KLHL30: variants seen among roughly 807,000 people sequenced by gnomAD.
KLHL30 encodes the protein kelch like family member 30, also known as kelch-like protein 30.
A neutral mutation model predicts 55.0 loss-of-function variants in KLHL30; 55 were observed. That is an observed-to-expected ratio of 1.00 (90% CI 0.80 to 1.25). The LOEUF (loss-of-function observed/expected upper bound fraction) is 1.25. Among genes scored for constraint, KLHL30 ranks in the 50% most tolerant of loss-of-function variants. KLHL30 has a pLI of 0.00. For missense variants in KLHL30, 786 were observed against 811.6 expected (o/e 0.97, Z 0.38); for synonymous variants, 356 against 372.6 (o/e 0.96, Z 0.51).
chr2:238,145,055 CCG>C, intron 4 of KLHL30, 67 bp downstream of exon 4: 2 of 1,287,956 alleles, frequency 1.6e-6, no homozygotes, highest in Non-Finnish European at 2.2e-6. Context: ...GTGCAACTCC[CCG>C]CACTCCGTGG....
Position 238,141,389 on chromosome 2 carries a change from C to T in KLHL30, c.635C>T (p.Ala212Val), listed in dbSNP as rs747030365. ...RWVRHDPQAR[A>V]AHLPELLSLV... is the part of the protein sequence containing the mutation. ...GTGCGCCATGACCCGCAGGCCCGGG[C>T]CGCCCACCTGCCCGAGCTGCTCAGC... is the stretch of plus-strand genomic sequence containing the variant. The change falls in exon 2 of 8, where the codon GCC (alanine) becomes GTC (valine). Residue 212 changes from alanine to valine, a missense_variant. Coordinates refer to ENST00000409223, the MANE Select transcript of KLHL30 (RefSeq NM_198582.4). The T allele has an allele frequency of 1.2e-5, 19 of 1,591,738 alleles. 1 individual carries two copies. In the South Asian group the frequency reaches 2.0e-4, roughly 17 times the overall value.
At chr2:238,144,799 T>G in intron 3 of KLHL30, 103 bp from the exon 4 acceptor site, 1 of 871,932 alleles carries the variant, frequency 1.1e-6, no homozygotes, top group East Asian at 2.6e-5. Context: ...GAGGGGGGCA[T>G]TTCTGCACCC....
In KLHL30 at chr2:238,152,792, GCT is replaced by G. The variant is rs1559279081; in HGVS notation, c.*1730_*1731del. On this transcript the variant is annotated 3_prime_UTR_variant, in exon 8 of 8. Transcript: ENST00000409223. ...AGGGTGAGGGTTTCTGGGGCCCTGG[GCT>G]CTGTTTCCATGTGGAAATCTGAAAT... The G allele has an allele frequency of 6.6e-6, 1 of 152,214 alleles. No homozygotes were observed. Among genetic ancestry groups the G allele is most frequent in the East Asian group, 1.9e-4 (1 of 5,194 alleles). 9.4% of individuals were successfully genotyped at this position (152,214 alleles called of 1,614,324 possible). A position where few individuals can be genotyped will look rare whatever the true frequency, so the allele number is the denominator to read the frequency against.
Position 238,141,189 on chromosome 2 carries a change from AG to A in KLHL30, c.438del (p.Leu147CysfsTer54), listed in dbSNP as rs763906968. 1 of 1,611,758 alleles carries A rather than the reference AG, an allele frequency of 6.2e-7. No individual in the cohort carries two copies. The highest frequency in any genetic ancestry group is 8.5e-7 in the Non-Finnish European group (1 of 1,179,656). ...LGICEFGEQQ[G>X]LLGVAAKAWA... Reference sequence around the variant, plus strand: ...GCATCTGTGAGTTCGGGGAGCAGCAAGGGCTGCTGGGCGTGGCTGCCAAGGC... The same window carrying A: ...GCATCTGTGAGTTCGGGGAGCAGCAAGGCTGCTGGGCGTGGCTGCCAAGGC... On this transcript the variant is annotated frameshift_variant, in exon 2 of 8. Transcript: ENST00000409223. LOFTEE classifies it high-confidence loss of function.
At chr2:238,150,043 G>A (rs949749881) in intron 7 of KLHL30, among the ~76,000 whole-genome samples, 8 of 152,164 alleles carry the variant, frequency 5.3e-5, no homozygotes, top group Non-Finnish European at 8.8e-5. Context: ...GTCCCCTGGC[G>A]TCACTGCTCA....
intron 2 of KLHL30, among the ~76,000 whole-genome samples, chr2:238,141,778 G>T (rs1478797975): frequency 6.6e-6 from 1 of 152,246 alleles, no homozygotes; most frequent in Non-Finnish European, 1.5e-5. Context: ...ATCTGGCCCT[G>T]TCCTGAAGGA....
In KLHL30 at chr2:238,141,548, G is replaced by T. The variant is rs376798084; in HGVS notation, c.774+20G>T. 4.5e-5 allele frequency: 64 copies of T among 1,433,982 alleles called. No homozygotes were observed. In the East Asian group the frequency reaches 5.6e-4, roughly 12 times the overall value. 88.8% of individuals were successfully genotyped at this position (1,433,982 alleles called of 1,614,324 possible). ...GATGGGGTGAGTGAGCGGCTGGGAG[G>T]CCCCATCCCTGGGAAGCAGGGAGGA... On this transcript the variant is annotated intron_variant, in intron 2 of 7. Transcript: ENST00000409223.
At chr2:238,143,169 G>A (rs531893693) in intron 3 of KLHL30, among the ~76,000 whole-genome samples, 2 of 152,346 alleles carry the variant, frequency 1.3e-5, no homozygotes, top group South Asian at 4.1e-4. Flanking sequence ...CCGGAGCCCA[G>A]GACTCTGGTC....
intron 7 of KLHL30, 88 bp downstream of exon 7, chr2:238,149,240 G>A (rs1314066150): frequency 6.9e-5 from 106 of 1,531,492 alleles, no homozygotes; most frequent in Non-Finnish European, 8.9e-5. Flanking sequence ...GGGATGGGGT[G>A]CCACAGAGGG....
At position 238,141,534 on chromosome 2, in the gene KLHL30, T is replaced by G; in HGVS notation, c.774+6T>G. The stretch of plus-strand genomic sequence containing the variant: ...TGTCCCAGGGCCATGATGGGGTGAG[T>G]GAGCGGCTGGGAGGCCCCATCCCTG... On this transcript the variant is annotated splice_donor_region_variant and intron_variant, in intron 2 of 7. Coordinates refer to ENST00000409223, the MANE Select transcript of KLHL30 (RefSeq NM_198582.4). The G allele has an allele frequency of 7.0e-7, 1 of 1,436,454 alleles. No individual in the cohort carries two copies. The highest frequency in any genetic ancestry group is 9.1e-7 in the Non-Finnish European group (1 of 1,099,632). 89.0% of individuals were successfully genotyped at this position (1,436,454 alleles called of 1,614,324 possible).
chr2:238,140,279 A>C (rs1007834786), intron 1 of KLHL30, among the ~76,000 whole-genome samples: 1 of 152,106 alleles, frequency 6.6e-6, no homozygotes, highest in Non-Finnish European at 1.5e-5. Flanking sequence ...GCAGCCCCCA[A>C]ATGGCCTCCC....
At chr2:238,149,222 G>A in intron 7 of KLHL30, 70 bp downstream of exon 7, 1 of 1,582,182 alleles carries the variant, frequency 6.3e-7, no homozygotes, top group South Asian at 1.1e-5. Context: ...AGCCAGCCTG[G>A]GAAGTGAGGG....
rs761324865 is a variant in KLHL30, at chr2:238,151,659, G to T, written c.*594G>T. 1.3e-5 allele frequency: 2 copies of T among 156,108 alleles called. No individual in the cohort carries two copies. The highest frequency in any genetic ancestry group is 1.3e-4 in the Admixed American group (2 of 15,608). 9.7% of individuals were successfully genotyped at this position (156,108 alleles called of 1,614,324 possible). On this transcript the variant is annotated 3_prime_UTR_variant, in exon 8 of 8. Coordinates refer to ENST00000409223, the MANE Select transcript of KLHL30 (RefSeq NM_198582.4). ...GGCTTTGGGTCCCCACTCAGGCTTT[G>T]CATGTTGGTGCTGTGTTTCTGCTTC...
At chr2:238,146,483 T>C (rs1001394677) in intron 5 of KLHL30, among the ~76,000 whole-genome samples, 3 of 151,594 alleles carry the variant, frequency 2.0e-5, no homozygotes, top group East Asian at 2.0e-4. Context: ...CTCAGCTCTC[T>C]GCAACCTCCA....
At chr2:238,141,606 A>C (rs1451424238) in intron 2 of KLHL30, 78 bp downstream of exon 2, 1 of 1,389,912 alleles carries the variant, frequency 7.2e-7, no homozygotes, top group African/African-American at 1.5e-5. Flanking sequence ...GTAGGGACAG[A>C]GTAAGGAGTG....
chr2:238,144,544 C>T (rs543023733), intron 3 of KLHL30, among the ~76,000 whole-genome samples: 6 of 152,158 alleles, frequency 3.9e-5, no homozygotes, highest in African/African-American at 9.6e-5. Context: ...TAACCCACAC[C>T]GCATCTAACC....
At chr2:238,145,946 A>G (rs1472664058) in intron 5 of KLHL30, 114 bp downstream of exon 5, 2 of 1,225,312 alleles carry the variant, frequency 1.6e-6, no homozygotes, top group Non-Finnish European at 1.1e-6. Context: ...TGCCGCTCCC[A>G]CTGCCACCCT....
chr2:238,147,814 C>A lies in KLHL30; in HGVS notation c.1151-20C>A, dbSNP rs756565007. The A allele has an allele frequency of 8.9e-6, 13 of 1,456,594 alleles. No homozygotes were observed. The highest frequency in any genetic ancestry group is 1.9e-4 in the Middle Eastern group (1 of 5,318). The allele number at this position is 1,456,594 out of a possible 1,614,324, so 90.2% of individuals were successfully genotyped here. A position where few individuals can be genotyped will look rare whatever the true frequency, so the allele number is the denominator to read the frequency against. Reference sequence around the variant, plus strand: ...CCCTCTCCTCCCCAGCCCTGAACTGCCCCCGCCCTCACCCCACAGGCACCA... The same window carrying A: ...CCCTCTCCTCCCCAGCCCTGAACTGACCCCGCCCTCACCCCACAGGCACCA... On this transcript the variant is annotated intron_variant, in intron 5 of 7. Transcript: ENST00000409223. The surrounding 1 kb of genome is among the most constrained non-coding windows in gnomAD (Gnocchi z 5.8).
chr2:238,140,957 A>G lies in KLHL30; in HGVS notation c.203A>G (p.Glu68Gly). 4 of 1,611,870 alleles carry G rather than the reference A, an allele frequency of 2.5e-6. No individual in the cohort carries two copies. The highest frequency in any genetic ancestry group is 3.4e-6 in the Non-Finnish European group (4 of 1,179,250). The change falls in exon 2 of 8, where the codon GAG (glutamate) becomes GGG (glycine). Residue 68 changes from glutamate to glycine, a missense_variant. By Grantham distance (98) the Glu-to-Gly change is moderately conservative. Transcript: ENST00000409223. The stretch of plus-strand genomic sequence containing the variant: ...GCCATGTTTGCGGGTGACTTCGCCG[A>G]GAGCTTCTCTGCGCGCGTGGAGCTG... Reference protein sequence around the residue: ...FHAMFAGDFAESFSARVELRD... With the variant: ...FHAMFAGDFAGSFSARVELRD...
Sources: gnomAD v4.1 joint callset for allele counts (sites outside exome capture counted in the v4.1 genomes callset) on GRCh38, gnomAD v4.1.1 for gene constraint, Gnocchi (gnomAD v3.1) non-coding constraint, MANE v1.5 for transcripts, NCBI Gene and HGNC (gene_info 2026-07-23, HGNC 2026-07-21) for gene names.